Variants in IER5L observed in about 807,000 individuals in gnomAD.
The protein encoded by IER5L is immediate early response 5 like.
A neutral mutation model predicts 28.3 loss-of-function variants in IER5L; 6 were observed. The observed-to-expected ratio is 0.21, with a 90% CI of 0.12 to 0.42. The LOEUF is 0.42. Among genes scored for constraint, IER5L ranks in the 10% least tolerant of loss-of-function variants. The pLI is 1.00. For missense variants in IER5L, 607 were observed against 575.2 expected (o/e 1.06, Z -0.56); for synonymous variants, 351 against 282.5 (o/e 1.24, Z -2.43).
Position 129,177,965 on chromosome 9 carries a change from G to T in IER5L, c.88C>A (p.Leu30Met). The T allele has an allele frequency of 6.3e-7, 1 of 1,592,350 alleles. No individual in the cohort carries two copies. Among genetic ancestry groups the T allele is most frequent in the Non-Finnish European group, 8.5e-7 (1 of 1,171,108 alleles). Residue 30 changes from leucine to methionine, a missense_variant, in exon 1 of 1, where the codon CTG becomes ATG. Physicochemically the swap from Leu to Met is conservative, Grantham distance 15. Transcript: ENST00000372491. ...SSRTQRGGIK[L>M]HKNLLVSYVL... is the part of the protein sequence containing the mutation. ...TAGGACACCAGGAGGTTCTTGTGCA[G>T]CTTGATGCCGCCGCGCTGGGTTCGG... is the stretch of plus-strand genomic sequence containing the variant.
In IER5L at chr9:129,177,197, C is replaced by T. The variant is rs1324341407; in HGVS notation, c.856G>A (p.Gly286Ser). 6.8e-7 allele frequency: 1 copy of T among 1,479,704 alleles called. No individual in the cohort carries two copies. The highest frequency in any genetic ancestry group is 1.5e-5 in the African/African-American group (1 of 67,828). 91.7% of individuals were successfully genotyped at this position (1,479,704 alleles called of 1,614,324 possible). The change falls in exon 1 of 1, where the codon GGC becomes AGC. Residue 286 changes from glycine to serine, a missense_variant. Physicochemically the swap from Gly to Ser is moderately conservative, Grantham distance 56. Transcript: ENST00000372491. ...AGGCCCGGTCCCGGAGCGCCCTGGC[C>T]ACAGCAGGGGCAGTGGGCGGAGGCG... ...CCASAHCPCC[G>S]QGAPGPGLAS...
Position 129,177,044 on chromosome 9 carries a change from C to A in IER5L, c.1009G>T (p.Ala337Ser). The A allele has an allele frequency of 6.4e-7, 1 of 1,554,070 alleles. No homozygotes were observed. The highest frequency in any genetic ancestry group is 1.2e-5 in the South Asian group (1 of 84,878). The change falls in exon 1 of 1, where the codon GCC (alanine) becomes TCC (serine). Residue 337 changes from alanine to serine, a missense_variant. Ala to Ser is a moderately conservative substitution (Grantham distance 99). Coordinates refer to ENST00000372491, the MANE Select transcript of IER5L (RefSeq NM_203434.3). ...TCCGGGCAGAAGTCCTCGAAGCGGG[C>A]GCGCTTGCAGGGGGCGAACGGGGCG... ...GGAPFAPCKR[A>S]RFEDFCPDSS...
In IER5L at chr9:129,177,051, G is replaced by C. The variant is rs751523115; in HGVS notation, c.1002C>G (p.Cys334Trp). The change falls in exon 1 of 1, where the codon TGC becomes TGG. Residue 334 changes from cysteine to tryptophan, a missense_variant. Transcript: ENST00000372491. ...EPPGGAPFAP[C>W]KRARFEDFCP... ...AGAAGTCCTCGAAGCGGGCGCGCTT[G>C]CAGGGGGCGAACGGGGCGCCCCCGG... The C allele has an allele frequency of 6.5e-7, 1 of 1,539,614 alleles. No individual in the cohort carries two copies. Among genetic ancestry groups the C allele is most frequent in the Admixed American group, 2.0e-5 (1 of 49,550 alleles).
Position 129,177,772 on chromosome 9 carries a change from A to G in IER5L, c.281T>C (p.Leu94Pro). Reference protein sequence around the residue: ...ASAADFGPLQLGGGGDAEARE... With the variant: ...ASAADFGPLQPGGGGDAEARE... Reference sequence around the variant, plus strand: ...CGCCTCCGCGTCCCCGCCGCCGCCAAGTTGGAGCGGGCCGAAGTCGGCCGC... The same window carrying G: ...CGCCTCCGCGTCCCCGCCGCCGCCAGGTTGGAGCGGGCCGAAGTCGGCCGC... Residue 94 changes from leucine to proline, a missense_variant, in exon 1 of 1, where the codon CTT (leucine) becomes CCT (proline). Transcript: ENST00000372491. The G allele has an allele frequency of 6.8e-7, 1 of 1,467,118 alleles. No homozygotes were observed. Among genetic ancestry groups the G allele is most frequent in the South Asian group, 1.3e-5 (1 of 75,778 alleles). The allele number at this position is 1,467,118 out of a possible 1,614,324, so 90.9% of individuals were successfully genotyped here. A position where few individuals can be genotyped will look rare whatever the true frequency, so the allele number is the denominator to read the frequency against.
Position 129,178,075 on chromosome 9 carries a change from A to G in IER5L, c.-23T>C, listed in dbSNP as rs1829442804. On this transcript the variant is annotated 5_prime_UTR_variant, in exon 1 of 1. Transcript: ENST00000372491. ...CATGCTCCCGCGGAGACGGCGGCGG[A>G]GCAGCCGCCGCCGCTGCTGCTGTTA... is the stretch of plus-strand genomic sequence containing the variant. 1 of 1,386,342 alleles carries G rather than the reference A, an allele frequency of 7.2e-7. No individual in the cohort carries two copies. The highest frequency in any genetic ancestry group is 9.4e-7 in the Non-Finnish European group (1 of 1,068,692). 85.9% of individuals were successfully genotyped at this position (1,386,342 alleles called of 1,614,324 possible).
Position 129,177,699 on chromosome 9 carries a change from G to T in IER5L, c.354C>A (p.His118Gln). 1 of 1,404,672 alleles carries T rather than the reference G, an allele frequency of 7.1e-7. No homozygotes were observed. The allele number at this position is 1,404,672 out of a possible 1,614,324, so 87.0% of individuals were successfully genotyped here. Residue 118 changes from histidine to glutamine, a missense_variant, in exon 1 of 1, where the codon CAC (histidine) becomes CAA (glutamine). Physicochemically the swap from His to Gln is conservative, Grantham distance 24. Transcript: ENST00000372491. ...GCAGCTGCTGCTGGAGGTGCAGCTG[G>T]TGGAGCTGGTGGAGCTGGTGCAGCT... The part of the protein sequence containing the change: ...RHQLHQLHQL[H>Q]QLHLQQQLHQ...
In IER5L at chr9:129,176,715, GC is replaced by G; in HGVS notation, c.*122del. 8.2e-7 allele frequency: 1 copy of G among 1,214,940 alleles called. No homozygotes were observed. Among genetic ancestry groups the G allele is most frequent in the Non-Finnish European group, 1.1e-6 (1 of 944,426 alleles). 75.3% of individuals were successfully genotyped at this position (1,214,940 alleles called of 1,614,324 possible). ...TATAAAACATCAGCCGCCTGCCCCCGCTCGCCCCCAGCTCAGCCCCGAGTGG... is the reference window on the plus strand; with the variant it reads ...TATAAAACATCAGCCGCCTGCCCCCGTCGCCCCCAGCTCAGCCCCGAGTGG... On this transcript the variant is annotated 3_prime_UTR_variant, in exon 1 of 1. Coordinates refer to ENST00000372491, the MANE Select transcript of IER5L (RefSeq NM_203434.3).
At position 129,177,780 on chromosome 9, in the gene IER5L, C is replaced by A; in HGVS notation, c.273G>T (p.Pro91=). The A allele has an allele frequency of 6.8e-7, 1 of 1,472,772 alleles. No homozygotes were observed. The highest frequency in any genetic ancestry group is 8.9e-7 in the Non-Finnish European group (1 of 1,117,546). The allele number at this position is 1,472,772 out of a possible 1,614,324, so 91.2% of individuals were successfully genotyped here. A position where few individuals can be genotyped will look rare whatever the true frequency, so the allele number is the denominator to read the frequency against. The change falls in exon 1 of 1, where the codon CCG becomes CCT. Residue 91 remains proline, a synonymous_variant. Coordinates refer to ENST00000372491, the MANE Select transcript of IER5L (RefSeq NM_203434.3). ...CGTCCCCGCCGCCGCCAAGTTGGAG[C>A]GGGCCGAAGTCGGCCGCGCTGGCCG... is the stretch of plus-strand genomic sequence containing the variant. ...GMPASAADFG[P]LQLGGGGDAE...
In IER5L at chr9:129,178,131, C is replaced by A; in HGVS notation, c.-79G>T. The A allele has an allele frequency of 8.3e-7, 1 of 1,202,052 alleles. No individual in the cohort carries two copies. Among genetic ancestry groups the A allele is most frequent in the South Asian group, 2.1e-5 (1 of 46,768 alleles). 74.5% of individuals were successfully genotyped at this position (1,202,052 alleles called of 1,614,324 possible). A position where few individuals can be genotyped will look rare whatever the true frequency, so the allele number is the denominator to read the frequency against. ...TCTGCTGTTTCTGCCTCCAGCCGGC[C>A]GCCGGGGCGCGCCGGGCAGGGGTAA... On this transcript the variant is annotated 5_prime_UTR_variant, in exon 1 of 1. Coordinates refer to ENST00000372491, the MANE Select transcript of IER5L (RefSeq NM_203434.3).
Position 129,176,821 on chromosome 9 carries a change from T to C in IER5L, c.*17A>G, listed in dbSNP as rs1487596540. 1.9e-6 allele frequency: 3 copies of C among 1,551,938 alleles called. No homozygotes were observed. Among genetic ancestry groups the C allele is most frequent in the Non-Finnish European group, 1.7e-6 (2 of 1,153,196 alleles). On this transcript the variant is annotated 3_prime_UTR_variant, in exon 1 of 1. Transcript: ENST00000372491. ...CCAGCCCCGCGGGGCCCCGGGTCCC[T>C]GTGCCCTCGGGGGTCCCTAGAAGGC...
chr9:129,176,151 C>A lies in IER5L; in HGVS notation c.*687G>T, dbSNP rs1312219102. On this transcript the variant is annotated 3_prime_UTR_variant, in exon 1 of 1. Coordinates refer to ENST00000372491, the MANE Select transcript of IER5L (RefSeq NM_203434.3). Reference sequence around the variant, plus strand: ...AGACGGGTGGAGGAGGGGAGGAGAACGGAGCCAGAGGGGCGGGGAGAAGAG... The same window carrying A: ...AGACGGGTGGAGGAGGGGAGGAGAAAGGAGCCAGAGGGGCGGGGAGAAGAG... The A allele has an allele frequency of 1.3e-5, 2 of 150,674 alleles. No homozygotes were observed. The highest frequency in any genetic ancestry group is 4.9e-5 in the African/African-American group (2 of 40,842). 9.3% of individuals were successfully genotyped at this position (150,674 alleles called of 1,614,324 possible).
At position 129,176,019 on chromosome 9, in the gene IER5L, A is replaced by C. The variant is rs918888780; in HGVS notation, c.*819T>G. On this transcript the variant is annotated 3_prime_UTR_variant, in exon 1 of 1. Coordinates refer to ENST00000372491, the MANE Select transcript of IER5L (RefSeq NM_203434.3). ...TGACTTCCTTTTTTGTTTAGTGAGG[A>C]CCGCAGTGCTAGGCATGATGGGAAA... The C allele has an allele frequency of 6.6e-6, 1 of 152,182 alleles. No homozygotes were observed. Among genetic ancestry groups the C allele is most frequent in the Admixed American group, 6.5e-5 (1 of 15,274 alleles). 9.4% of individuals were successfully genotyped at this position (152,182 alleles called of 1,614,324 possible). A position where few individuals can be genotyped will look rare whatever the true frequency, so the allele number is the denominator to read the frequency against.
At position 129,178,036 on chromosome 9, in the gene IER5L, T is replaced by C; in HGVS notation, c.17A>G (p.Asp6Gly). Residue 6 changes from aspartate to glycine, a missense_variant, in exon 1 of 1, where the codon GAC becomes GGC. Asp to Gly is a moderately conservative substitution (Grantham distance 94). Transcript: ENST00000372491. MECALDAQSLISISLR... is the reference protein window; with the variant it reads MECALGAQSLISISLR... ...GGAGATGCTGATCAGGCTCTGGGCG[T>C]CCAGGGCGCACTCCATGCTCCCGCG... The C allele has an allele frequency of 6.6e-7, 1 of 1,509,288 alleles. No homozygotes were observed. The highest frequency in any genetic ancestry group is 8.9e-7 in the Non-Finnish European group (1 of 1,126,570). 93.5% of individuals were successfully genotyped at this position (1,509,288 alleles called of 1,614,324 possible). A position where few individuals can be genotyped will look rare whatever the true frequency, so the allele number is the denominator to read the frequency against.
At position 129,176,597 on chromosome 9, in the gene IER5L, G is replaced by A. The variant is rs1564217809; in HGVS notation, c.*241C>T. ...TACAATAAAAAGAAAAAAAGGAGTA[G>A]GAGAAACACAAAGCATACTTAAATA... On this transcript the variant is annotated 3_prime_UTR_variant, in exon 1 of 1. Coordinates refer to ENST00000372491, the MANE Select transcript of IER5L (RefSeq NM_203434.3). 7.2e-6 allele frequency: 3 copies of A among 419,108 alleles called. No individual in the cohort carries two copies. Among genetic ancestry groups the A allele is most frequent in the Non-Finnish European group, 1.2e-5 (3 of 250,324 alleles). 26.0% of individuals were successfully genotyped at this position (419,108 alleles called of 1,614,324 possible).
rs1198188841 is a variant in IER5L at position 129,177,625 on chromosome 9, G to A, written c.428C>T (p.Ala143Val). 1.2e-5 allele frequency: 13 copies of A among 1,103,476 alleles called. No homozygotes were observed. The highest frequency in any genetic ancestry group is 1.1e-4 in the East Asian group (2 of 18,652). The allele number at this position is 1,103,476 out of a possible 1,614,324, so 68.4% of individuals were successfully genotyped here. ...CCCCGCGCCGCCCGCGGGCGCTCCG[G>A]CCGCCGCCGCCGCCGCGCAGCCCCT... Reference protein sequence around the residue: ...APRGCAAAAAAGAPAGGAGAL... With the variant: ...APRGCAAAAAVGAPAGGAGAL... The change falls in exon 1 of 1, where the codon GCC becomes GTC. Residue 143 changes from alanine to valine, a missense_variant. Transcript: ENST00000372491.
In IER5L at chr9:129,177,465, C is replaced by G. The variant is rs1004382602; in HGVS notation, c.588G>C (p.Ala196=). ...PLPLPPPAPA[A]LCPRDPRAPA... is the part of the protein sequence containing the mutation. The stretch of plus-strand genomic sequence containing the variant: ...GGGCGCGAGGGTCCCGCGGGCAGAG[C>G]GCAGCGGGCGCGGGCGGCGGCAGCG... The change falls in exon 1 of 1, where the codon GCG becomes GCC. Residue 196 remains alanine, a synonymous_variant. Transcript: ENST00000372491. 4 of 1,016,790 alleles carry G rather than the reference C, an allele frequency of 3.9e-6. No individual in the cohort carries two copies. Among genetic ancestry groups the G allele is most frequent in the African/African-American group, 3.5e-5 (2 of 57,372 alleles). 63.0% of individuals were successfully genotyped at this position (1,016,790 alleles called of 1,614,324 possible).
rs1829412246 is a variant in IER5L at position 129,176,958 on chromosome 9, C to G, written c.1095G>C (p.Ser365=). 2.5e-6 allele frequency: 4 copies of G among 1,604,060 alleles called. No homozygotes were observed. Among genetic ancestry groups the G allele is most frequent in the South Asian group, 1.1e-5 (1 of 89,916 alleles). ...AGTCCGGCTGTCGGCTCACCAGCCC[C>G]GAGAAGCCGGAGCCAAAGATGGAGA... ...NLISIFGSGF[S]GLVSRQPDSS... The change falls in exon 1 of 1, where the codon TCG becomes TCC. Residue 365 remains serine, a synonymous_variant. Transcript: ENST00000372491.
rs1829384500 is a variant in IER5L at position 129,175,784 on chromosome 9, A to G, written c.*1054T>C. 1 of 152,154 alleles carries G rather than the reference A, an allele frequency of 6.6e-6. No individual in the cohort carries two copies. 9.4% of individuals were successfully genotyped at this position (152,154 alleles called of 1,614,324 possible). On this transcript the variant is annotated 3_prime_UTR_variant, in exon 1 of 1. Coordinates refer to ENST00000372491, the MANE Select transcript of IER5L (RefSeq NM_203434.3). This position sits in a 1 kb window ranked among gnomAD's most constrained non-coding sequence, Gnocchi z 5.2. Reference sequence around the variant, plus strand: ...AAAGGCTTTTAAATTAAACAAATCTATCGAGCTGAAGACACAGGACGGGGT... The same window carrying G: ...AAAGGCTTTTAAATTAAACAAATCTGTCGAGCTGAAGACACAGGACGGGGT...
chr9:129,176,639 G>A lies in IER5L; in HGVS notation c.*199C>T, dbSNP rs555193174. 5 of 721,338 alleles carry A rather than the reference G, an allele frequency of 6.9e-6. No homozygotes were observed. The highest frequency in any genetic ancestry group is 3.7e-5 in the African/African-American group (2 of 53,696). 44.7% of individuals were successfully genotyped at this position (721,338 alleles called of 1,614,324 possible). A position where few individuals can be genotyped will look rare whatever the true frequency, so the allele number is the denominator to read the frequency against. On this transcript the variant is annotated 3_prime_UTR_variant, in exon 1 of 1. Transcript: ENST00000372491. Reference sequence around the variant, plus strand: ...ACTTAAATAGGCGCTTTTTCTCTCTGCAAAAATAAAGTCCAAGATTTTAGA... The same window carrying A: ...ACTTAAATAGGCGCTTTTTCTCTCTACAAAAATAAAGTCCAAGATTTTAGA...
Sources: allele counts gnomAD v4.1 joint callset, GRCh38; gene constraint gnomAD v4.1.1; non-coding constraint Gnocchi (gnomAD v3.1); transcripts MANE v1.5; gene names NCBI Gene and HGNC (gene_info 2026-07-23, HGNC 2026-07-21).